PLCH1: variants seen among roughly 807,000 people sequenced by gnomAD.
PLCH1 encodes the protein 1-phosphatidylinositol 4,5-bisphosphate phosphodiesterase eta-1.
In PLCH1, 60 loss-of-function variants were observed where a neutral mutation model predicts 126.7. The ratio of observed to expected loss-of-function variants is 0.47; its 90% CI spans 0.38 to 0.59. PLCH1 has a LOEUF of 0.59. Ranked by LOEUF, PLCH1 falls within the 20% of genes least tolerant of loss-of-function variation. The probability of loss-of-function intolerance (pLI) is 0.00; values close to 1 mark genes in which losing one functional copy is unlikely to be tolerated. For missense variants in PLCH1, 1,723 were observed against 2,040.0 expected (o/e 0.84, Z 2.99); for synonymous variants, 719 against 734.9 (o/e 0.98, Z 0.35).
chr3:155,520,809 G>C (rs1211285943), intron 11 of PLCH1, among the ~76,000 whole-genome samples: 2 of 152,278 alleles, frequency 1.3e-5, no homozygotes, highest in South Asian at 4.1e-4. Flanking sequence ...TTTTCTCTAT[G>C]GCTGGAGCCA....
rs572269692 is a variant in PLCH1, at chr3:155,629,932, G to T, written c.80-33554C>A. ...ATGCCTTACTCCTTTTTTATATTCA[G>T]GTGAAGATTAAGTAATTTAAAGGGA... On this transcript the variant is annotated intron_variant, in intron 2 of 22. Transcript: ENST00000460012. Among the ~76,000 whole-genome samples the T allele has an allele frequency of 3.9e-5, 6 of 152,248 alleles. 1 individual carries two copies. In the East Asian group the frequency reaches 1.2e-3, roughly 29 times the overall value.
chr3:155,702,840 T>C (rs1370342346), intron 2 of PLCH1, among the ~76,000 whole-genome samples: 1 of 152,134 alleles, frequency 6.6e-6, no homozygotes, highest in Non-Finnish European at 1.5e-5. Flanking sequence ...AATCAAACAC[T>C]GCATGAGAGA....
In PLCH1 at chr3:155,485,467, T is replaced by C; in HGVS notation, c.2863A>G (p.Ser955Gly). The change falls in exon 22 of 23, where the codon AGT becomes GGT. Residue 955 changes from serine (S) to glycine (G), a missense_variant. Ser to Gly is a moderately conservative substitution (Grantham distance 56, BLOSUM62 0). Coordinates refer to ENST00000460012, the MANE Select transcript of PLCH1 (RefSeq NM_014996.4). Reference sequence around the variant, plus strand: ...ATAGAGACAGGGCGTGCTTGCAAACTGCGTGTGGTCCTCCTCAGCACGCCA... The same window carrying C: ...ATAGAGACAGGGCGTGCTTGCAAACCGCGTGTGGTCCTCCTCAGCACGCCA... Reference protein sequence around the residue: ...QDGVLRRTTRSLQARPVSMPV... With the variant: ...QDGVLRRTTRGLQARPVSMPV... The C allele has an allele frequency of 6.2e-7, 1 of 1,614,150 alleles. No individual in the cohort carries two copies. Among genetic ancestry groups the C allele is most frequent in the Non-Finnish European group, 8.5e-7 (1 of 1,179,982 alleles).
At chr3:155,534,380 T>C (rs972269724) in intron 10 of PLCH1, among the ~76,000 whole-genome samples, 12 of 152,202 alleles carry the variant, frequency 7.9e-5, no homozygotes, top group Admixed American at 5.2e-4. Context: ...TGTATCTCCT[T>C]TGTTTTGGCC....
In PLCH1 at chr3:155,458,381, AGAAAGAAGGAAGGAAGGAAG is replaced by A. The variant is rs1162459441; in HGVS notation, c.2938+26955_2938+26974del. ...AAAGAAAGAAAGAAGAAAGAAAGAA[AGAAAGAAGGAAGGAAGGAAG>A]GAAGGAAGGAAGGAAGGAAGGAAGG... is the stretch of plus-strand genomic sequence containing the variant. On this transcript the variant is annotated intron_variant, in intron 21 of 21. Transcript: ENST00000494598. Among the ~76,000 whole-genome samples the A allele has an allele frequency of 8.6e-4, 89 of 103,206 alleles. 5 individuals are homozygous for A. Among genetic ancestry groups the A allele is most frequent in the South Asian group, 3.2e-3 (9 of 2,820 alleles). The allele number at this position is 103,206 out of a possible 152,430, so 67.7% of individuals were successfully genotyped here.
intron 13 of PLCH1, among the ~76,000 whole-genome samples, chr3:155,501,164 C>T (rs1717831577): frequency 6.6e-6 from 1 of 152,074 alleles, no homozygotes; most frequent in South Asian, 2.1e-4. Flanking sequence ...AGGAAGCTCA[C>T]TATTAATAAA....
chr3:155,468,276 A>C (rs1298723122), intron 21 of PLCH1, among the ~76,000 whole-genome samples: 1 of 152,242 alleles, frequency 6.6e-6, no homozygotes, highest in African/African-American at 2.4e-5. Flanking sequence ...ATAAAAAGCA[A>C]GAAACTAAAT....
chr3:155,599,424 A>G (rs1733427105), intron 2 of PLCH1, among the ~76,000 whole-genome samples: 2 of 152,148 alleles, frequency 1.3e-5, no homozygotes, highest in African/African-American at 4.8e-5. Context: ...ATGAGCCTCT[A>G]TCTTTGGAAG....
intron 13 of PLCH1, among the ~76,000 whole-genome samples, chr3:155,501,738 C>T (rs996266481): frequency 1.3e-5 from 2 of 151,894 alleles, no homozygotes; most frequent in African/African-American, 2.4e-5. Context: ...GAGGTTGCAG[C>T]GAGCCGAGAT....
chr3:155,563,941 C>T (rs1727968797), intron 8 of PLCH1, among the ~76,000 whole-genome samples: 1 of 152,024 alleles, frequency 6.6e-6, no homozygotes, highest in African/African-American at 2.4e-5. Flanking sequence ...CTCTCTGTCT[C>T]TCTCTCTCTC....
intron 11 of PLCH1, among the ~76,000 whole-genome samples, chr3:155,519,276 G>A (rs920347916): frequency 6.6e-5 from 10 of 152,116 alleles, no homozygotes; most frequent in African/African-American, 2.4e-4. Flanking sequence ...GGGCCAATGG[G>A]TGAGAAAGGA....
chr3:155,466,398 C>A (rs1285871133), intron 21 of PLCH1, among the ~76,000 whole-genome samples: 3 of 152,128 alleles, frequency 2.0e-5, no homozygotes, highest in African/African-American at 7.2e-5. Flanking sequence ...CAAGGTGGTA[C>A]CTCTATGAGT....
In PLCH1 at chr3:155,556,125, T is replaced by G. The variant is rs572472026; in HGVS notation, c.1070-1929A>C. Among the ~76,000 whole-genome samples the G allele has an allele frequency of 9.8e-5, 15 of 152,306 alleles. No homozygotes were observed. In the South Asian group the frequency reaches 3.1e-3, roughly 32 times the overall value. On this transcript the variant is annotated intron_variant, in intron 8 of 22. Coordinates refer to ENST00000460012, the MANE Select transcript of PLCH1 (RefSeq NM_014996.4). ...AAGCTGAATTTGCATAATGGAATGC[T>G]GATTGAAAGTCTGCCTTTAGAGTTC...
chr3:155,479,841 G>A (rs1713735296), downstream of PLCH1: 1 of 151,742 alleles, frequency 6.6e-6, no homozygotes, highest in Admixed American at 6.6e-5. Flanking sequence ...TAACTCAATA[G>A]TCATCATATG....
chr3:155,545,591 A>C (rs1343599361), intron 10 of PLCH1, among the ~76,000 whole-genome samples: 1 of 152,178 alleles, frequency 6.6e-6, no homozygotes, highest in Admixed American at 6.5e-5. Context: ...ACCAAAAAAG[A>C]GAATTTTAGA....
chr3:155,548,982 C>G (rs1386165305), intron 10 of PLCH1, among the ~76,000 whole-genome samples: 1 of 152,136 alleles, frequency 6.6e-6, no homozygotes, highest in Non-Finnish European at 1.5e-5. Context: ...TTTTTTCATA[C>G]ACACCTCTTT....
chr3:155,742,467 C>T (rs1025463663), intron 1 of PLCH1: 1 of 152,144 alleles, frequency 6.6e-6, no homozygotes, highest in African/African-American at 2.4e-5. Flanking sequence ...TGCCCATCAA[C>T]CTTCCCTCTC....
chr3:155,705,372 C>T (rs1746583811), intron 1 of PLCH1, among the ~76,000 whole-genome samples: 1 of 152,168 alleles, frequency 6.6e-6, no homozygotes. Context: ...TGCCTTTTCT[C>T]TGGCTCCGTG....
At chr3:155,519,781 TAAA>T (rs66772251) in intron 11 of PLCH1, among the ~76,000 whole-genome samples, 66 of 124,586 alleles carry the variant, frequency 5.3e-4, no homozygotes, top group South Asian at 1.0e-3. Flanking sequence ...ACCTTTGCTT[TAAA>T]AAAAAAAAAA....
Sources: allele counts gnomAD v4.1 joint callset (sites outside exome capture counted in the v4.1 genomes callset), GRCh38; gene constraint gnomAD v4.1.1; transcripts MANE v1.5; gene names NCBI Gene and HGNC (gene_info 2026-07-23, HGNC 2026-07-21).